The following CACNA2D3 variants were observed in gnomAD, a reference collection of about 807,000 sequenced individuals.
CACNA2D3 encodes the protein calcium voltage-gated channel auxiliary subunit alpha2delta 3.
A neutral mutation model predicts 160.6 loss-of-function variants in CACNA2D3; 60 were observed. The observed-to-expected ratio is 0.37, with a 90% confidence interval of 0.30 to 0.46. The LOEUF (loss-of-function observed/expected upper bound fraction) is 0.46, where lower values mean the gene tolerates loss of function less well. Ranked by LOEUF, CACNA2D3 falls within the 20% of genes least tolerant of loss-of-function variation. CACNA2D3 has a pLI of 1.00. For missense variants in CACNA2D3, 1,205 were observed against 1,365.0 expected, an observed-to-expected ratio of 0.88 and a Z score of 1.85; for synonymous variants, 558 against 492.9, an observed-to-expected ratio of 1.13 and a Z score of -1.75.
chr3:54,323,918 C>G (rs906090325), intron 3 of CACNA2D3, among the ~76,000 whole-genome samples: 1 of 152,148 alleles, frequency 6.6e-6, no homozygotes, highest in African/African-American at 2.4e-5. Context: ...AGGTGCCCTA[C>G]CTTGTGTTTT....
chr3:54,631,531 C>T (rs908200822), intron 10 of CACNA2D3, among the ~76,000 whole-genome samples: 1 of 152,098 alleles, frequency 6.6e-6, no homozygotes, highest in Non-Finnish European at 1.5e-5. Flanking sequence ...ATTTCTTGAA[C>T]ACACACATAT....
intron 12 of CACNA2D3, among the ~76,000 whole-genome samples, chr3:54,758,156 G>T (rs553614672): frequency 6.6e-6 from 1 of 152,338 alleles, no homozygotes; most frequent in East Asian, 1.9e-4. Flanking sequence ...CATTAAGGCT[G>T]TAGATAAGAC....
At position 55,030,624 on chromosome 3, in the gene CACNA2D3, G is replaced by C. The variant is rs561679414; in HGVS notation, c.2987+12307G>C. Among the ~76,000 whole-genome samples the C allele has an allele frequency of 7.9e-5, 12 of 152,198 alleles. No individual in the cohort carries two copies. The South Asian group carries it at 2.5e-3, about 32-fold the overall frequency. On this transcript the variant is annotated intron_variant, in intron 35 of 37. Coordinates refer to ENST00000474759, the MANE Select transcript of CACNA2D3 (RefSeq NM_018398.3). ...GGGGTCCAAAGATACTATAATAATT[G>C]GGATTAAAACCTCTGGTCAATTTTT...
At chr3:54,893,999 G>A (rs1032063164) in intron 25 of CACNA2D3, among the ~76,000 whole-genome samples, 1 of 151,990 alleles carries the variant, frequency 6.6e-6, no homozygotes, top group African/African-American at 2.4e-5. Context: ...CACATATGGT[G>A]TTATGTAATT....
intron 2 of CACNA2D3, among the ~76,000 whole-genome samples, chr3:54,214,974 C>A (rs1701435126): frequency 1.3e-5 from 2 of 152,108 alleles, no homozygotes; most frequent in Admixed American, 1.3e-4. Flanking sequence ...GCACAATACC[C>A]CAGAGTAGGG....
chr3:54,897,018 C>T lies in CACNA2D3; in HGVS notation c.2368+148C>T, dbSNP rs79138146. Reference sequence around the variant, plus strand: ...GCTGAATATTGGGTCAGCCCTGAACCAGTGACCAGTTCCATAAGAGTAATA... The same window carrying T: ...GCTGAATATTGGGTCAGCCCTGAACTAGTGACCAGTTCCATAAGAGTAATA... On this transcript the variant is annotated intron_variant, in intron 26 of 37. Transcript: ENST00000474759. 1,806 of 874,446 alleles carry T rather than the reference C, an allele frequency of 2.1e-3. 28 individuals carry two copies. The African/African-American group carries it at 0.026, about 12-fold the overall frequency. 54.2% of individuals were successfully genotyped at this position (874,446 alleles called of 1,614,324 possible).
chr3:54,179,717 T>C (rs1452168466), intron 2 of CACNA2D3, among the ~76,000 whole-genome samples: 1 of 152,166 alleles, frequency 6.6e-6, no homozygotes, highest in Non-Finnish European at 1.5e-5. Flanking sequence ...GGAGCCTTCA[T>C]GGTAGGATTA....
At chr3:54,469,342 T>A (rs2106869111) in intron 4 of CACNA2D3, among the ~76,000 whole-genome samples, 1 of 152,310 alleles carries the variant, frequency 6.6e-6, no homozygotes, top group African/African-American at 2.4e-5. Flanking sequence ...GGGACCTGAC[T>A]GTTAGAAGGA....
At chr3:54,343,223 A>C (rs994627953) in intron 3 of CACNA2D3, among the ~76,000 whole-genome samples, 2 of 152,026 alleles carry the variant, frequency 1.3e-5, no homozygotes, top group African/African-American at 4.8e-5. Flanking sequence ...TTAAATGCAA[A>C]TTCCTGGGCC....
intron 5 of CACNA2D3, among the ~76,000 whole-genome samples, chr3:54,560,799 G>A (rs980026353): frequency 8.5e-5 from 13 of 152,280 alleles, no homozygotes; most frequent in Admixed American, 2.6e-4. Flanking sequence ...CATATGGCTA[G>A]CCAGTTATTC....
intron 17 of CACNA2D3, among the ~76,000 whole-genome samples, chr3:54,853,551 G>A (rs1699106007): frequency 2.6e-5 from 4 of 152,120 alleles, no homozygotes; most frequent in Admixed American, 1.3e-4. Context: ...TTCATCAGAT[G>A]TCCTTAAGTC....
At chr3:54,915,059 A>G (rs1397292074) in intron 27 of CACNA2D3, among the ~76,000 whole-genome samples, 1 of 152,208 alleles carries the variant, frequency 6.6e-6, no homozygotes, top group Admixed American at 6.5e-5. Context: ...ATTTGCACAG[A>G]CCTTCAGGAA....
At chr3:54,515,226 G>A (rs1006242889) in intron 5 of CACNA2D3, among the ~76,000 whole-genome samples, 6 of 150,720 alleles carry the variant, frequency 4.0e-5, no homozygotes, top group African/African-American at 1.5e-4. Context: ...GAGAGAAAGA[G>A]AGAGAGGATA....
At chr3:54,416,697 T>G (rs531892920) in intron 4 of CACNA2D3, among the ~76,000 whole-genome samples, 3 of 152,226 alleles carry the variant, frequency 2.0e-5, no homozygotes, top group Non-Finnish European at 4.4e-5. Context: ...CTGGCTTTTG[T>G]TGTTACTTAT....
intron 32 of CACNA2D3, among the ~76,000 whole-genome samples, chr3:55,007,435 G>T (rs1166301632): frequency 6.6e-6 from 1 of 152,180 alleles, no homozygotes. Flanking sequence ...TTTGAAATTA[G>T]TTATATGATT....
At chr3:54,412,809 G>A (rs1462144348) in intron 4 of CACNA2D3, among the ~76,000 whole-genome samples, 1 of 150,904 alleles carries the variant, frequency 6.6e-6, no homozygotes, top group Non-Finnish European at 1.5e-5. Context: ...TTTCTCTATT[G>A]TCTTTAAATC....
At chr3:54,546,999 C>G (rs1424348728) in intron 5 of CACNA2D3, among the ~76,000 whole-genome samples, 2 of 152,148 alleles carry the variant, frequency 1.3e-5, no homozygotes, top group African/African-American at 4.8e-5. Context: ...TCTTCAGGCA[C>G]TTGTCCGTGC....
chr3:55,039,724 G>C (rs1027396443), intron 35 of CACNA2D3, among the ~76,000 whole-genome samples: 2 of 152,130 alleles, frequency 1.3e-5, no homozygotes, highest in Non-Finnish European at 2.9e-5. Flanking sequence ...CCTTGGTTTT[G>C]TTTATTGGGA....
chr3:54,671,365 G>A (rs191028831), intron 11 of CACNA2D3, among the ~76,000 whole-genome samples: 1 of 152,186 alleles, frequency 6.6e-6, no homozygotes, highest in African/African-American at 2.4e-5. Flanking sequence ...TGTGCTCACA[G>A]AGAGGCTCTT....
Sources: allele counts gnomAD v4.1 joint callset (sites outside exome capture counted in the v4.1 genomes callset), GRCh38; gene constraint gnomAD v4.1.1; transcripts MANE v1.5; gene names NCBI Gene and HGNC (gene_info 2026-07-23, HGNC 2026-07-21).